Variants in SNTG1 observed in about 807,000 individuals in gnomAD.
The protein encoded by SNTG1 is gamma-1-syntrophin.
Under a neutral mutation model 74.7 loss-of-function variants are expected in SNTG1, and 39 were observed. That is an observed-to-expected ratio of 0.52 (90% CI 0.40 to 0.68). The LOEUF (loss-of-function observed/expected upper bound fraction) is 0.68. Ranked by LOEUF, SNTG1 falls within the 30% of genes least tolerant of loss-of-function variation. SNTG1 has a pLI of 0.00. For synonymous variants in SNTG1, 254 were observed against 217.1 expected (o/e 1.17, Z -1.49); for missense variants, 685 against 609.5 (o/e 1.12, Z -1.30).
intron 4 of SNTG1, among the ~76,000 whole-genome samples, chr8:50,410,507 G>T (rs568138434): frequency 6.6e-6 from 1 of 152,132 alleles, no homozygotes; most frequent in Admixed American, 6.5e-5. Context: ...TATATTCAAG[G>T]TGTATAATAT....
At chr8:50,470,368 A>C (rs1406777095) in intron 8 of SNTG1, among the ~76,000 whole-genome samples, 1 of 152,184 alleles carries the variant, frequency 6.6e-6, no homozygotes, top group East Asian at 1.9e-4. Context: ...TCAAGAATGA[A>C]GCTGCAGACC....
chr8:50,651,727 G>T (rs1336344173), intron 13 of SNTG1, among the ~76,000 whole-genome samples: 1 of 151,872 alleles, frequency 6.6e-6, no homozygotes, highest in East Asian at 1.9e-4. Flanking sequence ...AAAGTGCTGA[G>T]ATTACAGGTA....
intron 18 of SNTG1, among the ~76,000 whole-genome samples, chr8:50,771,674 G>A (rs2095627503): frequency 6.6e-6 from 1 of 152,030 alleles, no homozygotes; most frequent in Non-Finnish European, 1.5e-5. Context: ...CAAAATAATG[G>A]GGAAAATCCC....
chr8:50,565,527 T>A (rs1415693058), intron 12 of SNTG1, among the ~76,000 whole-genome samples: 1 of 152,092 alleles, frequency 6.6e-6, no homozygotes, highest in Admixed American at 6.6e-5. Flanking sequence ...ATATGTATAA[T>A]TAAGTTAACC....
chr8:50,687,668 C>A (rs749866912), intron 15 of SNTG1, among the ~76,000 whole-genome samples: 2 of 152,146 alleles, frequency 1.3e-5, no homozygotes, highest in Non-Finnish European at 2.9e-5. Context: ...TGTGCTGCAC[C>A]CGTTAACTCG....
intron 2 of SNTG1, among the ~76,000 whole-genome samples, chr8:50,317,967 G>T (rs2090375195): frequency 6.6e-6 from 1 of 152,112 alleles, no homozygotes; most frequent in Non-Finnish European, 1.5e-5. Context: ...ATCCCCAGTA[G>T]CTGGGACTAC....
chr8:50,227,514 A>G (rs2085390188), intron 2 of SNTG1, among the ~76,000 whole-genome samples: 2 of 152,144 alleles, frequency 1.3e-5, no homozygotes, highest in Admixed American at 1.3e-4. Context: ...GCATCACCTA[A>G]GAGAATATCT....
chr8:49,949,974 A>C (rs1809557260), intron 1 of SNTG1, among the ~76,000 whole-genome samples: 1 of 152,178 alleles, frequency 6.6e-6, no homozygotes, highest in Non-Finnish European at 1.5e-5. Context: ...TAAAGATACA[A>C]AAATTAGCCA....
chr8:50,723,870 C>T (rs942447472), intron 17 of SNTG1, among the ~76,000 whole-genome samples: 15 of 151,800 alleles, frequency 9.9e-5, no homozygotes, highest in African/African-American at 3.6e-4. Context: ...CTCCCTAAGG[C>T]AGTAATATTT....
At chr8:49,942,764 G>C (rs1241884612) in intron 1 of SNTG1, among the ~76,000 whole-genome samples, 2 of 152,152 alleles carry the variant, frequency 1.3e-5, no homozygotes, top group Non-Finnish European at 2.9e-5. Context: ...AGACCACAGA[G>C]GTAAATTGCC....
intron 4 of SNTG1, among the ~76,000 whole-genome samples, chr8:50,434,990 C>CT (rs962927831): frequency 6.6e-6 from 1 of 151,688 alleles, no homozygotes; most frequent in African/African-American, 2.4e-5. Flanking sequence ...GTGATGCCAA[C>CT]TTTTTTTTGG....
At chr8:50,028,538 A>G (rs1191911072) in intron 1 of SNTG1, among the ~76,000 whole-genome samples, 2 of 148,838 alleles carry the variant, frequency 1.3e-5, no homozygotes, top group Non-Finnish European at 3.0e-5. Flanking sequence ...CTGCCAATGT[A>G]TTTTCAGACT....
At position 50,554,577 on chromosome 8, in the gene SNTG1, T is replaced by A. The variant is rs141610519; in HGVS notation, c.810+1398T>A. Among the ~76,000 whole-genome samples, 822 of 152,038 alleles carry A rather than the reference T, an allele frequency of 5.4e-3. 7 individuals carry two copies. Among genetic ancestry groups the A allele is most frequent in the African/African-American group, 0.018 (767 of 41,464 alleles). ...GGAGGCTAAACATGGGTATGTCTAG[T>A]TTGGGCAAGAGTGAGCTCTCACTCC... On this transcript the variant is annotated intron_variant, in intron 12 of 18. Transcript: ENST00000642720.
At chr8:50,688,622 G>C (rs961264013) in intron 15 of SNTG1, among the ~76,000 whole-genome samples, 1 of 152,148 alleles carries the variant, frequency 6.6e-6, no homozygotes, top group African/African-American at 2.4e-5. Flanking sequence ...CTCTATCTCT[G>C]TTTTGGTACC....
chr8:50,554,868 T>C (rs2094446956), intron 12 of SNTG1, among the ~76,000 whole-genome samples: 1 of 152,090 alleles, frequency 6.6e-6, no homozygotes, highest in South Asian at 2.1e-4. Context: ...GTGAGACAAA[T>C]ATAATTGTGT....
intron 12 of SNTG1, among the ~76,000 whole-genome samples, chr8:50,557,787 A>G (rs2094465141): frequency 6.6e-6 from 1 of 152,216 alleles, no homozygotes; most frequent in South Asian, 2.1e-4. Context: ...TACCACAAGA[A>G]CTATCTGGCA....
At chr8:50,636,504 T>A (rs1164438310) in intron 13 of SNTG1, among the ~76,000 whole-genome samples, 1 of 152,108 alleles carries the variant, frequency 6.6e-6, no homozygotes, top group Non-Finnish European at 1.5e-5. Flanking sequence ...ATCTAAATGC[T>A]TCCTCCGTGG....
At chr8:50,208,343 T>C (rs1158219540) in intron 2 of SNTG1, among the ~76,000 whole-genome samples, 1 of 152,212 alleles carries the variant, frequency 6.6e-6, no homozygotes, top group Non-Finnish European at 1.5e-5. Context: ...TTGATCTTTG[T>C]TGGTTTAAAG....
intron 1 of SNTG1, among the ~76,000 whole-genome samples, chr8:49,980,774 AT>A (rs1812609198): frequency 6.6e-6 from 1 of 152,156 alleles, no homozygotes; most frequent in East Asian, 1.9e-4. Context: ...TAAAAATTCA[AT>A]AAAAAGTATT....
Sources: allele counts gnomAD v4.1 joint callset (sites outside exome capture counted in the v4.1 genomes callset), GRCh38; gene constraint gnomAD v4.1.1; transcripts MANE v1.5; gene names NCBI Gene and HGNC (gene_info 2026-07-23, HGNC 2026-07-21).